SGSM1: variants seen among roughly 807,000 people sequenced by gnomAD.
SGSM1 encodes the protein small G protein signaling modulator 1, also known as RUN and TBC1 domain containing 2.
SGSM1 carries 73 observed loss-of-function variants against 133.8 expected under a neutral mutation model. That is an observed-to-expected ratio of 0.55 (90% CI 0.45 to 0.66). The LOEUF (loss-of-function observed/expected upper bound fraction) is 0.66, where lower values mean the gene tolerates loss of function less well. Among genes scored for constraint, SGSM1 ranks in the 30% least tolerant of loss-of-function variants. The pLI, the probability that SGSM1 is intolerant of heterozygous loss-of-function variation, is 0.00. For missense variants in SGSM1, 1,213 were observed against 1,448.1 expected, an observed-to-expected ratio of 0.84 and a Z score of 2.64; for synonymous variants, 563 against 573.0, an observed-to-expected ratio of 0.98 and a Z score of 0.25.
At chr22:24,850,662 G>C (rs1930403551) in intron 5 of SGSM1, among the ~76,000 whole-genome samples, 1 of 152,190 alleles carries the variant, frequency 6.6e-6, no homozygotes, top group Admixed American at 6.5e-5. Context: ...TTCTCCTGTG[G>C]ATTACTCCAT....
chr22:24,888,187 A>T (rs1932720066), intron 16 of SGSM1, among the ~76,000 whole-genome samples: 2 of 152,312 alleles, frequency 1.3e-5, no homozygotes, highest in Admixed American at 6.5e-5. Flanking sequence ...ACAAATTTTT[A>T]AATTTTTAAT....
Position 24,898,537 on chromosome 22 carries a change from C to A in SGSM1, c.2588C>A (p.Ser863Tyr). 1.9e-6 allele frequency: 3 copies of A among 1,608,298 alleles called. No homozygotes were observed. In the South Asian group the frequency reaches 3.3e-5, roughly 18 times the overall value. Residue 863 changes from serine (S) to tyrosine (Y), a missense_variant, in exon 19 of 25, where the codon TCT becomes TAT. Physicochemically the swap from Ser to Tyr is moderately radical, Grantham distance 144. Transcript: ENST00000400358. ...TTSANEVSPV[S>Y]SSGVTYSPEL... ...TCTGCCAACGAGGTGTCCCCTGTGT[C>A]TTCCAGCGGCGTCACCTACTCTGTA...
intron 16 of SGSM1, among the ~76,000 whole-genome samples, chr22:24,887,247 C>T (rs2123679954): frequency 6.6e-6 from 1 of 152,148 alleles, no homozygotes; most frequent in Non-Finnish European, 1.5e-5. Flanking sequence ...TAGCCAGACT[C>T]ACCTCCCCCA....
At chr22:24,858,886 C>T (rs1037034729) in intron 8 of SGSM1, among the ~76,000 whole-genome samples, 2 of 152,220 alleles carry the variant, frequency 1.3e-5, no homozygotes, top group African/African-American at 2.4e-5. Flanking sequence ...GAAGTGATGA[C>T]GCTTTGAACA....
intron 2 of SGSM1, among the ~76,000 whole-genome samples, chr22:24,818,688 T>C (rs995682315): frequency 6.6e-6 from 1 of 151,918 alleles, no homozygotes; most frequent in Non-Finnish European, 1.5e-5. Flanking sequence ...CGTTAAAATA[T>C]GAATTTTAGA....
chr22:24,808,392 G>A (rs1927542729), intron 2 of SGSM1, among the ~76,000 whole-genome samples: 1 of 152,160 alleles, frequency 6.6e-6, no homozygotes, highest in Admixed American at 6.5e-5. Context: ...GGAATTACAG[G>A]CGTGAGCCAC....
At chr22:24,872,484 CTT>C (rs1379892204) in intron 12 of SGSM1, among the ~76,000 whole-genome samples, 1 of 150,438 alleles carries the variant, frequency 6.6e-6, no homozygotes, top group Non-Finnish European at 1.5e-5. Flanking sequence ...GATTTTGAGA[CTT>C]TGTTAAAAAA....
intron 22 of SGSM1, 23 bp downstream of exon 22, chr22:24,912,775 G>C (rs2123736181): frequency 6.4e-7 from 1 of 1,572,254 alleles, no homozygotes; most frequent in Non-Finnish European, 8.7e-7. Context: ...ATCCATTCTT[G>C]CTTTGGACTT....
chr22:24,881,590 AC>A lies in SGSM1; in HGVS notation c.1495+2065del, dbSNP rs761221976. On this transcript the variant is annotated intron_variant, in intron 14 of 24. Coordinates refer to ENST00000400358, the MANE Select transcript of SGSM1 (RefSeq NM_001098497.3). The stretch of plus-strand genomic sequence containing the variant: ...CAAAAACAAAACAAAACAAAACAAA[AC>A]AAAAAAAACCAGCAACAACAACAAA... Among the ~76,000 whole-genome samples, 699 of 152,132 alleles carry A rather than the reference AC, an allele frequency of 4.6e-3. 5 individuals carry two copies. The highest frequency in any genetic ancestry group is 7.2e-3 in the Non-Finnish European group (487 of 67,984).
intron 20 of SGSM1, among the ~76,000 whole-genome samples, chr22:24,904,569 C>T (rs1306032869): frequency 7.3e-6 from 1 of 136,676 alleles, no homozygotes; most frequent in Non-Finnish European, 1.5e-5. Context: ...AACAGTGAGA[C>T]TCCGTCTCAA....
intron 8 of SGSM1, among the ~76,000 whole-genome samples, chr22:24,858,789 T>A (rs73879150): frequency 6.6e-6 from 1 of 152,182 alleles, no homozygotes; most frequent in African/African-American, 2.4e-5. Flanking sequence ...CAATTCAAAG[T>A]TGAATCGCAG....
At chr22:24,841,595 G>T (rs896913155) in intron 2 of SGSM1, among the ~76,000 whole-genome samples, 1 of 152,204 alleles carries the variant, frequency 6.6e-6, no homozygotes, top group Non-Finnish European at 1.5e-5. Context: ...CTTAGAAGTG[G>T]ATGCAGGGAG....
intron 13 of SGSM1, among the ~76,000 whole-genome samples, chr22:24,876,974 G>T (rs1412342414): frequency 6.6e-6 from 1 of 152,226 alleles, no homozygotes; most frequent in Non-Finnish European, 1.5e-5. Context: ...TATCATGCAT[G>T]CTGTGTTTCT....
chr22:24,919,725 A>C (rs1933939477), intron 23 of SGSM1, 101 bp from the exon 24 acceptor site: 1 of 1,425,096 alleles, frequency 7.0e-7, no homozygotes, highest in African/African-American at 1.4e-5. Flanking sequence ...ATAAGGCAAA[A>C]CTTGCCCGGG....
intron 10 of SGSM1, among the ~76,000 whole-genome samples, chr22:24,867,508 A>G (rs1286029861): frequency 6.6e-6 from 1 of 152,234 alleles, no homozygotes; most frequent in Non-Finnish European, 1.5e-5. Context: ...TTATTCAGTC[A>G]TCACAGCCAC....
chr22:24,812,189 GAAA>G (rs1241182882), intron 2 of SGSM1, among the ~76,000 whole-genome samples: 1 of 144,510 alleles, frequency 6.9e-6, no homozygotes, highest in East Asian at 2.1e-4. Flanking sequence ...AAAAAAAAAA[GAAA>G]AGAAAAATTA....
chr22:24,901,814 CT>C lies in SGSM1; in HGVS notation c.2611-18del, dbSNP rs1277707270. The C allele has an allele frequency of 1.9e-6, 3 of 1,611,452 alleles. No homozygotes were observed. The highest frequency in any genetic ancestry group is 2.2e-5 in the South Asian group (2 of 90,246). On this transcript the variant is annotated intron_variant, in intron 19 of 24. Coordinates refer to ENST00000400358, the MANE Select transcript of SGSM1 (RefSeq NM_001098497.3). Reference sequence around the variant, plus strand: ...ATTTTTCATTTCTTCCCCCTACCCCCTGCCCCGATGGCCTATAGCCAGAGCT... The same window carrying C: ...ATTTTTCATTTCTTCCCCCTACCCCCGCCCCGATGGCCTATAGCCAGAGCT...
intron 2 of SGSM1, among the ~76,000 whole-genome samples, chr22:24,842,564 A>G (rs1254906911): frequency 6.6e-6 from 1 of 152,140 alleles, no homozygotes; most frequent in Non-Finnish European, 1.5e-5. Context: ...TTGGCACCAT[A>G]GCCATAAAGC....
At chr22:24,875,656 A>G (rs1025700046) in intron 12 of SGSM1, among the ~76,000 whole-genome samples, 3 of 151,544 alleles carry the variant, frequency 2.0e-5, no homozygotes, top group African/African-American at 7.3e-5. Context: ...AAAAAAAAAG[A>G]AAGAAAGAAA....
Sources: allele counts gnomAD v4.1 joint callset (sites outside exome capture counted in the v4.1 genomes callset), GRCh38; gene constraint gnomAD v4.1.1; transcripts MANE v1.5; gene names NCBI Gene and HGNC (gene_info 2026-07-23, HGNC 2026-07-21).